Variants in TRPM1 observed in about 807,000 individuals in gnomAD.
TRPM1 encodes the protein transient receptor potential cation channel subfamily M member 1, also known as TRPM1-203 APA Isoform, Intron 10.
In TRPM1, 113 loss-of-function variants were observed where a neutral mutation model predicts 149.4. That is an observed-to-expected ratio of 0.76 (90% CI 0.65 to 0.88). The LOEUF is 0.88. Among genes scored for constraint, TRPM1 ranks in the 40% least tolerant of loss-of-function variants. The pLI, the probability that TRPM1 is intolerant of heterozygous loss-of-function variation, is 0.00. For synonymous variants in TRPM1, 741 were observed against 759.5 expected, an observed-to-expected ratio of 0.98 and a Z score of 0.40; for missense variants, 1,976 against 2,038.7, an observed-to-expected ratio of 0.97 and a Z score of 0.59.
At position 31,041,979 on chromosome 15, in the gene TRPM1, T is replaced by C. The variant is rs1188486621; in HGVS notation, c.2059A>G (p.Ile687Val). The change falls in exon 17 of 28, where the codon ATC (isoleucine) becomes GTC (valine). Residue 687 changes from isoleucine (I) to valine (V), a missense_variant. Transcript: ENST00000256552. ...GAATTGTTATCCAAGTCCTGGGAGA[T>C]GTCATCCACCAGATCACTCTCGGAG... is the stretch of plus-strand genomic sequence containing the variant. ...ESSESDLVDD[I>V]SQDLDNNSKD... 1.2e-6 allele frequency: 2 copies of C among 1,614,068 alleles called. No homozygotes were observed. Among genetic ancestry groups the C allele is most frequent in the Non-Finnish European group, 1.7e-6 (2 of 1,180,030 alleles).
intron 15 of TRPM1, among the ~76,000 whole-genome samples, chr15:31,046,860 C>A (rs1342993020): frequency 6.6e-6 from 1 of 152,158 alleles, no homozygotes; most frequent in Non-Finnish European, 1.5e-5. Context: ...AGACAGTAGC[C>A]CCGGAGCCCA....
Position 31,030,986 on chromosome 15 carries a change from CT to C in TRPM1, c.3123del (p.Ile1041MetfsTer50), listed in dbSNP as rs751373279. 1 of 1,614,202 alleles carries C rather than the reference CT, an allele frequency of 6.2e-7. No individual in the cohort carries two copies. Among genetic ancestry groups the C allele is most frequent in the Admixed American group, 1.7e-5 (1 of 60,024 alleles). ...TTACTATGAATTCTACTCTTACGGT[CT>C]ATCTGGTCTGCAAACACCTCTCCAT... is the stretch of plus-strand genomic sequence containing the variant. Reference protein sequence around the residue: ...MIYGEVFADQIDLYAMEINPP... With the variant: ...MIYGEVFADQXDLYAMEINPP... On this transcript the variant is annotated frameshift_variant, in exon 23 of 28. Transcript: ENST00000256552. LOFTEE classifies it high-confidence loss of function.
At position 31,032,683 on chromosome 15, in the gene TRPM1, A is replaced by G; in HGVS notation, c.2952+6T>C. On this transcript the variant is annotated splice_donor_region_variant and intron_variant, in intron 22 of 27. Coordinates refer to ENST00000256552, the MANE Select transcript of TRPM1 (RefSeq NM_001252024.2). ...CTCTGGATACCCACAGGATGCCACT[A>G]CTAACCATCTTTCCAATCATCATCA... 6.2e-7 allele frequency: 1 copy of G among 1,614,100 alleles called. No homozygotes were observed. Among genetic ancestry groups the G allele is most frequent in the Non-Finnish European group, 8.5e-7 (1 of 1,179,944 alleles).
intron 23 of TRPM1, among the ~76,000 whole-genome samples, chr15:31,030,244 A>G (rs2033003952): frequency 6.6e-6 from 1 of 152,236 alleles, no homozygotes. Context: ...CAGACATGCT[A>G]TTATAGCTGA....
rs1477334658 is a variant in TRPM1 at position 31,079,058 on chromosome 15, TG to T, written c.4-2075del. On this transcript the variant is annotated intron_variant, in intron 2 of 27. Transcript: ENST00000256552. ...AAGTGGGGAAGGTCACAATGAACCTTGTAGCACTGAGCTAAAATTAAAGTTA... is the reference window on the plus strand; with the variant it reads ...AAGTGGGGAAGGTCACAATGAACCTTTAGCACTGAGCTAAAATTAAAGTTA... 2.6e-5 allele frequency among the ~76,000 whole-genome samples: 4 copies of T among 152,292 alleles called. No homozygotes were observed. The East Asian group carries it at 5.8e-4, about 22-fold the overall frequency.
intron 1 of TRPM1, among the ~76,000 whole-genome samples, chr15:31,119,795 G>A (rs1408510533): frequency 6.6e-6 from 1 of 152,158 alleles, no homozygotes; most frequent in East Asian, 1.9e-4. Flanking sequence ...AGTGTTAATT[G>A]AAAGTGGGTT....
chr15:31,023,778 G>A (rs1197552126), intron 27 of TRPM1, among the ~76,000 whole-genome samples: 1 of 152,180 alleles, frequency 6.6e-6, no homozygotes, highest in Non-Finnish European at 1.5e-5. Context: ...CATCTAAGTG[G>A]GCGTGGTTGG....
intron 1 of TRPM1, among the ~76,000 whole-genome samples, chr15:31,088,704 C>T (rs55858444): frequency 0.088 from 13,408 of 152,026 alleles, 688 homozygotes; most frequent in South Asian, 0.12. Flanking sequence ...GATTTGGGGG[C>T]CGTCGTATGA....
chr15:31,096,824 C>T (rs565796729), intron 1 of TRPM1, among the ~76,000 whole-genome samples: 1 of 152,334 alleles, frequency 6.6e-6, no homozygotes, highest in South Asian at 2.1e-4. Context: ...CCAGAGTGCT[C>T]AGGCACTAGG....
chr15:31,077,039 G>C (rs1401833624), intron 2 of TRPM1, 55 bp from the exon 3 acceptor site: 2 of 1,198,016 alleles, frequency 1.7e-6, no homozygotes, highest in African/African-American at 3.0e-5. Flanking sequence ...GCCATCATCA[G>C]AGTCCATTCT....
intron 1 of TRPM1, among the ~76,000 whole-genome samples, chr15:31,110,220 G>A (rs1596077955): frequency 6.6e-6 from 1 of 152,066 alleles, no homozygotes; most frequent in African/African-American, 2.4e-5. Flanking sequence ...AAAGTGGTAG[G>A]TTAAAAAAAT....
Position 31,032,671 on chromosome 15 carries a change from C to G in TRPM1, c.2952+18G>C. On this transcript the variant is annotated intron_variant, in intron 22 of 27. Coordinates refer to ENST00000256552, the MANE Select transcript of TRPM1 (RefSeq NM_001252024.2). Reference sequence around the variant, plus strand: ...CAGCCAAAGTCTCTCTGGATACCCACAGGATGCCACTACTAACCATCTTTC... The same window carrying G: ...CAGCCAAAGTCTCTCTGGATACCCAGAGGATGCCACTACTAACCATCTTTC... 1.2e-6 allele frequency: 2 copies of G among 1,614,178 alleles called. No homozygotes were observed. The highest frequency in any genetic ancestry group is 1.7e-6 in the Non-Finnish European group (2 of 1,180,022).
At chr15:31,022,731 G>A (rs183128359) in intron 27 of TRPM1, among the ~76,000 whole-genome samples, 57 of 152,262 alleles carry the variant, frequency 3.7e-4, no homozygotes, top group South Asian at 1.5e-3. Context: ...ATTTATATTC[G>A]AATCAGGAGA....
At chr15:31,133,003 T>C (rs1031010455) in intron 1 of TRPM1, among the ~76,000 whole-genome samples, 3 of 152,234 alleles carry the variant, frequency 2.0e-5, no homozygotes, top group Non-Finnish European at 4.4e-5. Flanking sequence ...ATGTCTTTAT[T>C]AGCAGCGTGA....
In TRPM1 at chr15:31,037,875, G is replaced by C. The variant is rs767421287; in HGVS notation, c.2440-33C>G. The C allele has an allele frequency of 6.2e-6, 10 of 1,613,868 alleles. No homozygotes were observed. The East Asian group carries it at 1.8e-4, about 29-fold the overall frequency. Reference sequence around the variant, plus strand: ...ACAGAGCACAGCACATGACAGGCAGGTGGCTAAATGGGAAATGCAAGGCAC... The same window carrying C: ...ACAGAGCACAGCACATGACAGGCAGCTGGCTAAATGGGAAATGCAAGGCAC... On this transcript the variant is annotated intron_variant, in intron 19 of 27. Transcript: ENST00000256552.
Position 31,061,446 on chromosome 15 carries a change from C to T in TRPM1, c.1158G>A (p.Leu386=). The T allele has an allele frequency of 1.9e-6, 3 of 1,614,118 alleles. No individual in the cohort carries two copies. In the South Asian group the frequency reaches 3.3e-5, roughly 18 times the overall value. ...CACCATTTCCTGAGAGCTCACCTTT[C>T]AGCAGGGCAGTTAAAATTGCCATCT... is the stretch of plus-strand genomic sequence containing the variant. The part of the protein sequence containing the change: ...DIEMAILTAL[L]KGTNVSAPDQ... Residue 386 remains leucine (L), a synonymous_variant, in exon 10 of 28, where the codon CTG becomes CTA. Transcript: ENST00000256552.
At chr15:31,059,896 T>TCA (rs141353586) in intron 11 of TRPM1, among the ~76,000 whole-genome samples, 2 of 151,896 alleles carry the variant, frequency 1.3e-5, no homozygotes, top group East Asian at 3.9e-4. Flanking sequence ...TTATGTGTGT[T>TCA]CACACACACA....
chr15:31,012,073 C>T (rs2140878379), intron 27 of TRPM1, among the ~76,000 whole-genome samples: 1 of 152,266 alleles, frequency 6.6e-6, no homozygotes, highest in East Asian at 1.9e-4. Context: ...ACATTGTGTA[C>T]CCATCAACAT....
In TRPM1 at chr15:31,063,189, C is replaced by T. The variant is rs2034281153; in HGVS notation, c.894G>A (p.Val298=). The stretch of plus-strand genomic sequence containing the variant: ...CACGTCCGCTGCCATCACAAATCAC[C>T]ACAGGGATGGGAGGCTCTTCTTGCA... ...EYLQEEPPIP[V]VICDGSGRAS... The change falls in exon 8 of 28, where the codon GTG becomes GTA. Residue 298 remains valine (V), a synonymous_variant. Transcript: ENST00000256552. The T allele has an allele frequency of 1.9e-6, 3 of 1,614,088 alleles. 1 individual carries two copies. In the South Asian group the frequency reaches 3.3e-5, roughly 18 times the overall value.
Sources: gnomAD v4.1 joint callset for allele counts (sites outside exome capture counted in the v4.1 genomes callset) on GRCh38, gnomAD v4.1.1 for gene constraint, MANE v1.5 for transcripts, NCBI Gene and HGNC (gene_info 2026-07-23, HGNC 2026-07-21) for gene names.